MDGA2: variants seen among roughly 807,000 people sequenced by gnomAD.
MDGA2 encodes the protein MAM domain containing glycosylphosphatidylinositol anchor 2.
In MDGA2, 40 loss-of-function variants were observed where a neutral mutation model predicts 117.8. The observed-to-expected ratio is 0.34, with a 90% CI of 0.26 to 0.44. The LOEUF is 0.44. Ranked by LOEUF, MDGA2 falls within the 20% of genes least tolerant of loss-of-function variation. The pLI is 1.00. For missense variants in MDGA2, 1,123 were observed against 1,250.6 expected (o/e 0.90, Z 1.54); for synonymous variants, 452 against 439.0 (o/e 1.03, Z -0.37).
rs570826195 is a variant in MDGA2, at chr14:47,254,182, C to A, written c.421-35987G>T. 2.2e-4 allele frequency among the ~76,000 whole-genome samples: 34 copies of A among 152,336 alleles called. No homozygotes were observed. The South Asian group carries it at 6.6e-3, about 30-fold the overall frequency. On this transcript the variant is annotated intron_variant, in intron 2 of 16. Transcript: ENST00000399232. ...TCTGACATGCCCTGGAGACATTTCC[C>A]CCACTGTCTTGGTGATCAACATTTG...
chr14:47,630,186 C>T (rs1229985316), intron 1 of MDGA2, among the ~76,000 whole-genome samples: 1 of 151,966 alleles, frequency 6.6e-6, no homozygotes, highest in Non-Finnish European at 1.5e-5. Context: ...AATTGTTGTA[C>T]TTATAAAATG....
At chr14:47,003,829 G>A (rs1887619202) in intron 8 of MDGA2, among the ~76,000 whole-genome samples, 1 of 151,826 alleles carries the variant, frequency 6.6e-6, no homozygotes, top group Non-Finnish European at 1.5e-5. Context: ...CATTTTGGGT[G>A]CTACATTTAA....
chr14:46,954,288 T>C (rs182493305), intron 9 of MDGA2, among the ~76,000 whole-genome samples: 108 of 152,144 alleles, frequency 7.1e-4, no homozygotes, highest in African/African-American at 2.5e-3. Flanking sequence ...CTGAGGACAG[T>C]TGACAAAACT....
At chr14:47,643,229 A>T (rs559490599) in intron 1 of MDGA2, among the ~76,000 whole-genome samples, 1 of 152,102 alleles carries the variant, frequency 6.6e-6, no homozygotes, top group Admixed American at 6.5e-5. Flanking sequence ...AAAAATTTTT[A>T]AAAGGAAAAT....
chr14:47,027,976 TTA>T (rs1364138460), intron 8 of MDGA2, among the ~76,000 whole-genome samples: 1 of 152,128 alleles, frequency 6.6e-6, no homozygotes, highest in African/African-American at 2.4e-5. Flanking sequence ...AAATTGGACA[TTA>T]TCTTATAATA....
In MDGA2 at chr14:47,024,338, T is replaced by C. The variant is rs1888397541; in HGVS notation, c.1819+10673A>G. On this transcript the variant is annotated intron_variant, in intron 8 of 16. Coordinates refer to ENST00000399232, the MANE Select transcript of MDGA2 (RefSeq NM_001113498.3). Reference sequence around the variant, plus strand: ...TGTTGTACACAAGGCAATTATGTTGTGTTTATGAACATATGGCTTCAAACA... The same window carrying C: ...TGTTGTACACAAGGCAATTATGTTGCGTTTATGAACATATGGCTTCAAACA... 2.6e-5 allele frequency among the ~76,000 whole-genome samples: 4 copies of C among 152,202 alleles called. No homozygotes were observed. The South Asian group carries it at 8.3e-4, about 31-fold the overall frequency.
At chr14:47,181,531 T>C (rs955263049) in intron 3 of MDGA2, among the ~76,000 whole-genome samples, 28 of 152,246 alleles carry the variant, frequency 1.8e-4, no homozygotes, top group African/African-American at 6.8e-4. Context: ...TGTTATTGAA[T>C]CCTTTCATTT....
intron 8 of MDGA2, among the ~76,000 whole-genome samples, chr14:47,011,302 G>T (rs1470641689): frequency 6.6e-6 from 1 of 151,932 alleles, no homozygotes; most frequent in Non-Finnish European, 1.5e-5. Context: ...ACATAAATCT[G>T]TGGTTGGCCG....
chr14:47,021,193 T>C (rs1282806021), intron 8 of MDGA2, among the ~76,000 whole-genome samples: 2 of 152,180 alleles, frequency 1.3e-5, no homozygotes, highest in African/African-American at 4.8e-5. Flanking sequence ...GTATCCTTCA[T>C]AAGTTAGCAG....
chr14:47,519,538 T>C (rs947634457), intron 1 of MDGA2, among the ~76,000 whole-genome samples: 2 of 152,214 alleles, frequency 1.3e-5, no homozygotes, highest in Non-Finnish European at 2.9e-5. Flanking sequence ...AAATAGTTGA[T>C]GGTTTTCTTT....
chr14:46,983,543 CA>C (rs1886760121), intron 8 of MDGA2, among the ~76,000 whole-genome samples: 1 of 152,052 alleles, frequency 6.6e-6, no homozygotes, highest in Non-Finnish European at 1.5e-5. Context: ...TGAGATATCC[CA>C]AGTGCCACTG....
rs146897192 is a variant in MDGA2, at chr14:47,438,214, G to T, written c.281-136664C>A. On this transcript the variant is annotated intron_variant, in intron 1 of 16. Coordinates refer to ENST00000399232, the MANE Select transcript of MDGA2 (RefSeq NM_001113498.3). Reference sequence around the variant, plus strand: ...TTCCTATTACATTTGCAAACTTGAGGTCTAAAAATAGAATAATCTAAAGGT... The same window carrying T: ...TTCCTATTACATTTGCAAACTTGAGTTCTAAAAATAGAATAATCTAAAGGT... Among the ~76,000 whole-genome samples, 336 of 152,188 alleles carry T rather than the reference G, an allele frequency of 2.2e-3. 2 individuals are homozygous for T. The highest frequency in any genetic ancestry group is 7.8e-3 in the African/African-American group (324 of 41,544).
intron 1 of MDGA2, among the ~76,000 whole-genome samples, chr14:47,529,288 C>A (rs1331842033): frequency 3.3e-5 from 5 of 152,106 alleles, no homozygotes; most frequent in Admixed American, 1.3e-4. Flanking sequence ...AGACAGATAT[C>A]AACTCTATCC....
intron 9 of MDGA2, among the ~76,000 whole-genome samples, chr14:46,948,836 T>C (rs979195322): frequency 2.0e-5 from 3 of 152,006 alleles, no homozygotes; most frequent in Non-Finnish European, 4.4e-5. Flanking sequence ...CCTCATTGGT[T>C]CCAGCCTAAT....
intron 10 of MDGA2, among the ~76,000 whole-genome samples, chr14:46,885,221 T>A (rs1882627451): frequency 6.6e-6 from 1 of 152,136 alleles, no homozygotes; most frequent in Admixed American, 6.6e-5. Flanking sequence ...GTCTACCAAA[T>A]TTAAAATTAA....
At chr14:46,971,840 A>T (rs1855192613) in intron 8 of MDGA2, among the ~76,000 whole-genome samples, 1 of 152,146 alleles carries the variant, frequency 6.6e-6, no homozygotes, top group Non-Finnish European at 1.5e-5. Flanking sequence ...CTATGCATGT[A>T]ACACATCCTC....
intron 1 of MDGA2, among the ~76,000 whole-genome samples, chr14:47,394,390 TC>T (rs1891961924): frequency 1.3e-5 from 2 of 152,108 alleles, no homozygotes; most frequent in Admixed American, 1.3e-4. Flanking sequence ...GTGTAAAAGG[TC>T]CTAGACTCCC....
chr14:47,299,315 A>G (rs1161090525), intron 2 of MDGA2: 2 of 152,204 alleles, frequency 1.3e-5, no homozygotes. Flanking sequence ...GCAGAGCAAC[A>G]CCTGGGGTAT....
chr14:47,174,978 T>C (rs1055249123), intron 3 of MDGA2, among the ~76,000 whole-genome samples: 1 of 151,748 alleles, frequency 6.6e-6, no homozygotes, highest in African/African-American at 2.4e-5. Flanking sequence ...TCACCACCAA[T>C]CCCACAGAAA....
Sources: gnomAD v4.1 joint callset for allele counts (sites outside exome capture counted in the v4.1 genomes callset) on GRCh38, gnomAD v4.1.1 for gene constraint, MANE v1.5 for transcripts, NCBI Gene and HGNC (gene_info 2026-07-23, HGNC 2026-07-21) for gene names.